The following HPSE2 variants were observed in gnomAD, a reference collection of about 807,000 sequenced individuals.
HPSE2 encodes the protein heparanase 2 (inactive), also known as inactive heparanase-2.
Under a neutral mutation model 60.5 loss-of-function variants are expected in HPSE2, and 38 were observed. The observed-to-expected ratio is 0.63, with a 90% CI of 0.48 to 0.82. The LOEUF is 0.82. Ranked by LOEUF, HPSE2 falls within the 40% of genes least tolerant of loss-of-function variation. HPSE2 has a pLI of 0.00. For missense variants in HPSE2, 713 were observed against 740.4 expected (o/e 0.96, Z 0.43); for synonymous variants, 295 against 293.2 (o/e 1.01, Z -0.06).
At chr10:99,003,572 T>G (rs1040116997) in intron 3 of HPSE2, among the ~76,000 whole-genome samples, 2 of 152,122 alleles carry the variant, frequency 1.3e-5, no homozygotes, top group African/African-American at 4.8e-5. Context: ...GGTGTTAATT[T>G]GCATTTCTCT....
chr10:98,591,640 C>T (rs778878738), intron 9 of HPSE2, among the ~76,000 whole-genome samples: 7 of 151,740 alleles, frequency 4.6e-5, no homozygotes, highest in South Asian at 2.1e-4. Flanking sequence ...CCAGCCTGGG[C>T]GACACAGTGA....
In HPSE2 at chr10:99,125,818, A is replaced by C. The variant is rs182575419; in HGVS notation, c.610+18420T>G. ...TGGGAAGAGCCTTGTAGGCACTCCT[A>C]GTCTTTAGCTCGAGCCCAAGGAAGT... is the stretch of plus-strand genomic sequence containing the variant. On this transcript the variant is annotated intron_variant, in intron 3 of 11. Coordinates refer to ENST00000370552, the MANE Select transcript of HPSE2 (RefSeq NM_021828.5). 2.8e-3 allele frequency among the ~76,000 whole-genome samples: 422 copies of C among 152,318 alleles called. 5 individuals carry two copies. The highest frequency in any genetic ancestry group is 2.2e-4 in the Non-Finnish European group (15 of 68,030).
At chr10:98,985,162 G>A (rs1956310256) in intron 3 of HPSE2, among the ~76,000 whole-genome samples, 1 of 152,100 alleles carries the variant, frequency 6.6e-6, no homozygotes, top group Admixed American at 6.5e-5. Flanking sequence ...TACTCCTCGA[G>A]AAGAGCAACT....
chr10:99,063,151 G>A (rs550174003), intron 3 of HPSE2, among the ~76,000 whole-genome samples: 1 of 152,088 alleles, frequency 6.6e-6, no homozygotes, highest in African/African-American at 2.4e-5. Context: ...AGTTATATGA[G>A]AATATATGTG....
intron 3 of HPSE2, among the ~76,000 whole-genome samples, chr10:98,854,143 C>G (rs888281893): frequency 6.6e-6 from 1 of 152,022 alleles, no homozygotes; most frequent in Admixed American, 6.6e-5. Context: ...CTTAAATGGC[C>G]TCTGCTCTTT....
chr10:99,206,554 C>T (rs564594196), intron 2 of HPSE2, among the ~76,000 whole-genome samples: 2 of 148,048 alleles, frequency 1.4e-5, no homozygotes, highest in South Asian at 4.3e-4. Flanking sequence ...GAGCAAGACC[C>T]TGTCTCAAAA....
chr10:98,951,248 A>G (rs1013861567), intron 3 of HPSE2, among the ~76,000 whole-genome samples: 2 of 152,176 alleles, frequency 1.3e-5, no homozygotes, highest in African/African-American at 4.8e-5. Context: ...GTCTCCAACT[A>G]ATAATAGAAG....
chr10:98,711,026 T>C (rs1233367212), intron 5 of HPSE2, among the ~76,000 whole-genome samples: 2 of 151,798 alleles, frequency 1.3e-5, no homozygotes, highest in Non-Finnish European at 2.9e-5. Flanking sequence ...ATAACACATA[T>C]AGGAAGACCA....
chr10:98,503,167 G>A (rs12779505), intron 9 of HPSE2, among the ~76,000 whole-genome samples: 44,606 of 148,602 alleles, frequency 0.3, 6,972 homozygotes, highest in East Asian at 0.42. Flanking sequence ...AGCCAAGATC[G>A]CGCCATTGCA....
At chr10:98,633,351 T>C (rs764875614) in intron 7 of HPSE2, among the ~76,000 whole-genome samples, 9 of 152,034 alleles carry the variant, frequency 5.9e-5, no homozygotes, top group Non-Finnish European at 1.2e-4. Flanking sequence ...AGGCATGTGA[T>C]ACCATGCCCA....
intron 10 of HPSE2, among the ~76,000 whole-genome samples, chr10:98,484,257 T>C (rs545016622): frequency 1.3e-5 from 2 of 151,062 alleles, no homozygotes; most frequent in South Asian, 4.2e-4. Flanking sequence ...TTCCTTCCTT[T>C]CTTTCTTTTT....
At chr10:99,008,972 A>T (rs1956949288) in intron 3 of HPSE2, among the ~76,000 whole-genome samples, 1 of 152,120 alleles carries the variant, frequency 6.6e-6, no homozygotes, top group African/African-American at 2.4e-5. Context: ...CATAACTTCA[A>T]CCTGAAAGTT....
intron 3 of HPSE2, among the ~76,000 whole-genome samples, chr10:98,989,012 A>T (rs1297518805): frequency 3.7e-4 from 55 of 150,356 alleles, no homozygotes; most frequent in African/African-American, 1.3e-3. Flanking sequence ...GCTGGAGAGG[A>T]TGTGGAGAAA....
At chr10:98,725,157 C>T (rs1474034504) in intron 4 of HPSE2, among the ~76,000 whole-genome samples, 1 of 152,018 alleles carries the variant, frequency 6.6e-6, no homozygotes, top group Non-Finnish European at 1.5e-5. Context: ...TCATATGGAA[C>T]CAAAAAAGAG....
intron 3 of HPSE2, among the ~76,000 whole-genome samples, chr10:99,070,321 C>A (rs770843796): frequency 2.6e-5 from 4 of 152,124 alleles, no homozygotes; most frequent in Non-Finnish European, 4.4e-5. Flanking sequence ...ACATACACTT[C>A]TGCAAAGAAG....
At chr10:98,461,972 T>G (rs1427992776) in intron 11 of HPSE2, among the ~76,000 whole-genome samples, 1 of 152,240 alleles carries the variant, frequency 6.6e-6, no homozygotes, top group African/African-American at 2.4e-5. Context: ...GATTCTCTAC[T>G]GAAATCTCGA....
At chr10:98,757,723 C>A (rs954844903) in intron 3 of HPSE2, among the ~76,000 whole-genome samples, 2 of 151,950 alleles carry the variant, frequency 1.3e-5, no homozygotes, top group Non-Finnish European at 2.9e-5. Flanking sequence ...ATTTCATGCA[C>A]ATGGATAGTA....
At chr10:98,777,469 C>G (rs1170865293) in intron 3 of HPSE2, among the ~76,000 whole-genome samples, 1 of 152,016 alleles carries the variant, frequency 6.6e-6, no homozygotes, top group Admixed American at 6.6e-5. Context: ...CAAGGCAAAA[C>G]CAAATTGAAT....
At chr10:99,054,196 A>T (rs1436778783) in intron 3 of HPSE2, among the ~76,000 whole-genome samples, 1 of 152,170 alleles carries the variant, frequency 6.6e-6, no homozygotes, top group African/African-American at 2.4e-5. Flanking sequence ...GGAAAATTGC[A>T]TGTGATTCCT....
Sources: allele counts gnomAD v4.1 joint callset (sites outside exome capture counted in the v4.1 genomes callset), GRCh38; gene constraint gnomAD v4.1.1; transcripts MANE v1.5; gene names NCBI Gene and HGNC (gene_info 2026-07-23, HGNC 2026-07-21).